FAM217A: variants seen among roughly 807,000 people sequenced by gnomAD.
FAM217A encodes the protein protein FAM217A.
A neutral mutation model predicts 18.5 loss-of-function variants in FAM217A; 13 were observed. The observed-to-expected ratio is 0.70, with a 90% CI of 0.46 to 1.12. FAM217A has a LOEUF of 1.12. Among genes scored for constraint, FAM217A ranks in the 50% most tolerant of loss-of-function variants. FAM217A has a pLI of 0.00. For synonymous variants in FAM217A, 161 were observed against 202.8 expected, an observed-to-expected ratio of 0.79 and a Z score of 1.75; for missense variants, 560 against 575.4, an observed-to-expected ratio of 0.97 and a Z score of 0.27.
At chr6:4,073,248 G>T (rs1170715157) in intron 6 of FAM217A, 27 bp downstream of exon 6, 4 of 1,495,026 alleles carry the variant, frequency 2.7e-6, no homozygotes, top group Non-Finnish European at 3.7e-6. Context: ...AGTAATTTAG[G>T]GTGTTACAAA....
intron 2 of FAM217A, among the ~76,000 whole-genome samples, chr6:4,074,992 C>T (rs624973): frequency 6.6e-6 from 1 of 152,080 alleles, no homozygotes; most frequent in African/African-American, 2.4e-5. Context: ...CTCTGGAACA[C>T]AATGGTGCAT....
intron 2 of FAM217A, 59 bp downstream of exon 2, chr6:4,077,296 T>TA: frequency 6.4e-7 from 1 of 1,561,716 alleles, no homozygotes; most frequent in Non-Finnish European, 8.8e-7. Flanking sequence ...CCATGGGAGT[T>TA]ACGTGTTAGC....
At position 4,069,642 on chromosome 6, in the gene FAM217A, C is replaced by T; in HGVS notation, c.581G>A (p.Ser194Asn). Reference sequence around the variant, plus strand: ...TTCATCTGTGAAATTTTCTTCCACACTGCTGTTTCCATGTTTCAAATTCCA... The same window carrying T: ...TTCATCTGTGAAATTTTCTTCCACATTGCTGTTTCCATGTTTCAAATTCCA... ...PNWNLKHGNS[S>N]VEENFTDESD... The change falls in exon 7 of 7, where the codon AGT becomes AAT. Residue 194 changes from serine (S) to asparagine (N), a missense_variant. Transcript: ENST00000274673. The T allele has an allele frequency of 6.2e-7, 1 of 1,614,170 alleles. No homozygotes were observed. The highest frequency in any genetic ancestry group is 8.5e-7 in the Non-Finnish European group (1 of 1,180,024).
Position 4,068,419 on chromosome 6 carries a change from A to C in FAM217A, c.*277T>G, listed in dbSNP as rs750270595. ...ATACTGGAAAACAATCACTGAAAAA[A>C]GAGTAGCCTTTTGAATAGAATAGTC... On this transcript the variant is annotated 3_prime_UTR_variant, in exon 7 of 7. Coordinates refer to ENST00000274673, the MANE Select transcript of FAM217A (RefSeq NM_173563.3). The C allele has an allele frequency of 3.4e-6, 1 of 293,102 alleles. No individual in the cohort carries two copies. Among genetic ancestry groups the C allele is most frequent in the Non-Finnish European group, 6.3e-6 (1 of 159,828 alleles). 18.2% of individuals were successfully genotyped at this position (293,102 alleles called of 1,614,324 possible).
In FAM217A at chr6:4,085,311, A is replaced by AAAAT. The variant is rs377046907; in HGVS notation, c.19-502_19-501insATTT. Among the ~76,000 whole-genome samples the AAAAT allele has an allele frequency of 2.0e-3, 295 of 146,434 alleles. 2 individuals carry two copies. The highest frequency in any genetic ancestry group is 6.8e-3 in the African/African-American group (276 of 40,300). On this transcript the variant is annotated intron_variant, in intron 1 of 8. Transcript: ENST00000639338. ...AGAAGTGTTATTCATTGTAAAAAAAAATATATATATATATATAAAATATGT... is the reference window on the plus strand; with the variant it reads ...AGAAGTGTTATTCATTGTAAAAAAAAAAATATATATATATATATATAAAATATGT...
intron 1 of FAM217A, among the ~76,000 whole-genome samples, chr6:4,086,116 AGGAAGGAAG>A (rs1230083990): frequency 1.5e-4 from 23 of 152,046 alleles, no homozygotes; most frequent in Non-Finnish European, 1.2e-4. Context: ...GAAAGAAAAA[AGGAAGGAAG>A]GGAAGGAAGG....
intron 1 of FAM217A, among the ~76,000 whole-genome samples, chr6:4,086,387 AGTG>A (rs1421543406): frequency 1.4e-5 from 2 of 145,950 alleles, no homozygotes; most frequent in African/African-American, 5.1e-5. Context: ...CAGAGGTTGC[AGTG>A]AGCCGAGATC....
At chr6:4,082,647 A>T (rs1298591878), upstream of FAM217A, among the ~76,000 whole-genome samples, 1 of 152,210 alleles carries the variant, frequency 6.6e-6, no homozygotes, top group African/African-American at 2.4e-5. Context: ...GAATCTAGAG[A>T]GACAGGCCTT....
rs1268978199 is a variant in FAM217A at position 4,077,532 on chromosome 6, A to G, written c.-34-84T>C. The G allele has an allele frequency of 5.2e-6, 6 of 1,154,632 alleles. No homozygotes were observed. The East Asian group carries it at 1.2e-4, about 23-fold the overall frequency. 71.5% of individuals were successfully genotyped at this position (1,154,632 alleles called of 1,614,324 possible). On this transcript the variant is annotated intron_variant, in intron 1 of 6. Coordinates refer to ENST00000274673, the MANE Select transcript of FAM217A (RefSeq NM_173563.3). ...AAGTGTGAGTTTTGATTTCCCATCT[A>G]AAGGAGGTAAGAGAATGCTTAGAAA...
chr6:4,068,706 TCAATGGG>T lies in FAM217A; in HGVS notation c.1510_1516del (p.Pro504AsnfsTer13). 1 of 1,594,196 alleles carries T rather than the reference TCAATGGG, an allele frequency of 6.3e-7. No individual in the cohort carries two copies. The highest frequency in any genetic ancestry group is 1.8e-5 in the Admixed American group (1 of 55,244). ...TATGAAAGAAAAGAGTTATTTTTGT[TCAATGGG>T]TGAGCAGCACTTATCCTTAGCAATA... On this transcript the variant is annotated frameshift_variant, in exon 7 of 7. Coordinates refer to ENST00000274673, the MANE Select transcript of FAM217A (RefSeq NM_173563.3). LOFTEE classifies it high-confidence loss of function.
At chr6:4,083,883 T>C (rs899424225), upstream of FAM217A, among the ~76,000 whole-genome samples, 1 of 152,208 alleles carries the variant, frequency 6.6e-6, no homozygotes, top group Non-Finnish European at 1.5e-5. Context: ...AATATAATTA[T>C]GTAACATTTT....
chr6:4,075,913 AAATT>A (rs1329530787), intron 2 of FAM217A, among the ~76,000 whole-genome samples: 1 of 152,198 alleles, frequency 6.6e-6, no homozygotes, highest in Non-Finnish European at 1.5e-5. Flanking sequence ...ATAATTAATA[AAATT>A]AATTCTCTGC....
intron 6 of FAM217A, among the ~76,000 whole-genome samples, chr6:4,070,551 A>G (rs1177851064): frequency 2.6e-5 from 4 of 152,226 alleles, no homozygotes; most frequent in Admixed American, 6.5e-5. Flanking sequence ...AAAGCCATAG[A>G]ATACTGAGTT....
At chr6:4,071,600 T>C (rs942475) in intron 6 of FAM217A, among the ~76,000 whole-genome samples, 39,216 of 152,088 alleles carry the variant, frequency 0.26, 5,920 homozygotes, top group African/African-American at 0.41. Flanking sequence ...TCCATTTGTT[T>C]GCTCCTCTGC....
intron 6 of FAM217A, among the ~76,000 whole-genome samples, chr6:4,070,547 A>G (rs1465720812): frequency 2.6e-5 from 4 of 152,224 alleles, no homozygotes; most frequent in East Asian, 1.9e-4. Flanking sequence ...CAAAAAAGCC[A>G]TAGAATACTG....
chr6:4,076,130 A>C (rs763080326), intron 2 of FAM217A, among the ~76,000 whole-genome samples: 3 of 151,890 alleles, frequency 2.0e-5, no homozygotes, highest in Non-Finnish European at 4.4e-5. Flanking sequence ...GGAGCTCTAG[A>C]CCAGCCTGGC....
chr6:4,079,449 C>G (rs990749654), upstream of FAM217A: 20 of 366,476 alleles, frequency 5.5e-5, no homozygotes, highest in Non-Finnish European at 7.1e-5. Flanking sequence ...CTTCTCGGGC[C>G]TTCTCGGACT....
At chr6:4,074,780 C>T in intron 2 of FAM217A, 119 bp from the exon 3 acceptor site, 1 of 698,678 alleles carries the variant, frequency 1.4e-6, no homozygotes. Context: ...GACTCTCACC[C>T]CTCATTATAA....
upstream of FAM217A, chr6:4,087,242 A>G (rs1770730550): frequency 9.9e-6 from 11 of 1,112,214 alleles, no homozygotes; most frequent in Non-Finnish European, 1.1e-5. Flanking sequence ...AGTTTTCCCC[A>G]GAAATGGTCC....
Sources: gnomAD v4.1 joint callset for allele counts (sites outside exome capture counted in the v4.1 genomes callset) on GRCh38, gnomAD v4.1.1 for gene constraint, MANE v1.5 for transcripts, NCBI Gene and HGNC (gene_info 2026-07-23, HGNC 2026-07-21) for gene names.